GPC6: variants seen among roughly 807,000 people sequenced by gnomAD.
The protein encoded by GPC6 is glypican 6.
A neutral mutation model predicts 55.2 loss-of-function variants in GPC6; 14 were observed. The observed-to-expected ratio is 0.25, with a 90% confidence interval of 0.17 to 0.40. The LOEUF is 0.40. Among genes scored for constraint, GPC6 ranks in the 10% least tolerant of loss-of-function variants. GPC6 has a pLI of 1.00. For missense variants in GPC6, 641 were observed against 708.5 expected (o/e 0.90, Z 1.08); for synonymous variants, 278 against 259.6 (o/e 1.07, Z -0.68).
chr13:93,718,017 A>G (rs1413345496), intron 2 of GPC6, among the ~76,000 whole-genome samples: 2 of 151,770 alleles, frequency 1.3e-5, no homozygotes, highest in African/African-American at 4.8e-5. Context: ...TTACTAATGG[A>G]CATTTGAGTT....
chr13:93,891,077 A>G (rs1245480099), intron 3 of GPC6, among the ~76,000 whole-genome samples: 1 of 152,160 alleles, frequency 6.6e-6, no homozygotes, highest in Non-Finnish European at 1.5e-5. Flanking sequence ...TTTAAAACAT[A>G]AAAATGATAT....
intron 4 of GPC6, among the ~76,000 whole-genome samples, chr13:94,091,512 TGGGTAACAAAGC>T (rs1885478677): frequency 6.6e-6 from 1 of 152,152 alleles, no homozygotes; most frequent in Non-Finnish European, 1.5e-5. Flanking sequence ...GATTCACTTT[TGGGTAACAAAGC>T]AGGCAGATAT....
At chr13:93,448,474 G>A (rs1270696446) in intron 1 of GPC6, among the ~76,000 whole-genome samples, 4 of 152,084 alleles carry the variant, frequency 2.6e-5, no homozygotes, top group Non-Finnish European at 5.9e-5. Context: ...GTATGACTAC[G>A]TGTGAATTTT....
At chr13:93,720,656 T>G (rs752889447) in intron 2 of GPC6, among the ~76,000 whole-genome samples, 5 of 152,172 alleles carry the variant, frequency 3.3e-5, no homozygotes, top group African/African-American at 4.8e-5. Flanking sequence ...AATTGTGATG[T>G]TAGGGTGTCA....
intron 2 of GPC6, among the ~76,000 whole-genome samples, chr13:93,592,612 GTAT>G (rs957358833): frequency 1.3e-5 from 2 of 151,104 alleles, no homozygotes; most frequent in Non-Finnish European, 3.0e-5. Flanking sequence ...TTGCAAATGA[GTAT>G]TATTATTGCT....
chr13:93,865,039 C>T (rs1888918848), intron 3 of GPC6, among the ~76,000 whole-genome samples: 1 of 151,726 alleles, frequency 6.6e-6, no homozygotes, highest in African/African-American at 2.4e-5. Context: ...TTAAGTGCCT[C>T]CATGAATGGG....
intron 4 of GPC6, among the ~76,000 whole-genome samples, chr13:94,031,087 TGTGTGC>T (rs1883113248): frequency 6.6e-6 from 1 of 150,510 alleles, no homozygotes; most frequent in Admixed American, 6.7e-5. Flanking sequence ...TGTGCGTGTG[TGTGTGC>T]GTGTGTGTGT....
intron 2 of GPC6, among the ~76,000 whole-genome samples, chr13:93,593,812 T>C (rs894464921): frequency 2.0e-5 from 3 of 152,168 alleles, no homozygotes; most frequent in Non-Finnish European, 4.4e-5. Flanking sequence ...ATTGTCAAAT[T>C]ATATTACATG....
intron 1 of GPC6, among the ~76,000 whole-genome samples, chr13:93,525,325 C>A (rs1445404394): frequency 2.6e-5 from 4 of 151,962 alleles, no homozygotes; most frequent in African/African-American, 7.2e-5. Context: ...AGGAACATGC[C>A]CCCCAAGAGG....
chr13:93,417,858 T>A (rs545250058), intron 1 of GPC6, among the ~76,000 whole-genome samples: 2 of 151,934 alleles, frequency 1.3e-5, no homozygotes, highest in Admixed American at 1.3e-4. Flanking sequence ...AAATAAAAAA[T>A]AAAAAATAAA....
chr13:94,372,529 G>A (rs191575356), intron 6 of GPC6, among the ~76,000 whole-genome samples: 2 of 152,330 alleles, frequency 1.3e-5, no homozygotes, highest in African/African-American at 2.4e-5. Context: ...GGCGCACCAC[G>A]AGAGTATATC....
chr13:94,161,577 A>G (rs1437105069), intron 4 of GPC6, among the ~76,000 whole-genome samples: 1 of 152,180 alleles, frequency 6.6e-6, no homozygotes, highest in Non-Finnish European at 1.5e-5. Flanking sequence ...CAGATTCATC[A>G]TTTAGTTAGG....
intron 5 of GPC6, among the ~76,000 whole-genome samples, chr13:94,303,432 C>T (rs890777340): frequency 9.9e-5 from 15 of 152,278 alleles, no homozygotes; most frequent in Admixed American, 3.3e-4. Context: ...GATTCTTAAT[C>T]GGCCTAGGAA....
intron 1 of GPC6, among the ~76,000 whole-genome samples, chr13:93,313,303 C>G (rs201880837): frequency 6.6e-6 from 1 of 151,000 alleles, no homozygotes; most frequent in Non-Finnish European, 1.5e-5. Context: ...TTTTTTTTTC[C>G]TTGGATAACT....
intron 4 of GPC6, among the ~76,000 whole-genome samples, chr13:94,063,939 G>A (rs1884426652): frequency 6.6e-6 from 1 of 152,176 alleles, no homozygotes; most frequent in Admixed American, 6.5e-5. Flanking sequence ...TTAAGGGTTA[G>A]ACTTAACACC....
At chr13:94,299,450 A>G (rs1432741944) in intron 5 of GPC6, among the ~76,000 whole-genome samples, 3 of 152,258 alleles carry the variant, frequency 2.0e-5, no homozygotes, top group Admixed American at 6.5e-5. Context: ...CAAATTTCAT[A>G]TACTGAAATC....
chr13:93,439,368 C>T (rs1877690329), intron 1 of GPC6, among the ~76,000 whole-genome samples: 1 of 152,034 alleles, frequency 6.6e-6, no homozygotes, highest in African/African-American at 2.4e-5. Context: ...TGGGAGTTCT[C>T]ATGTGCTGTT....
At chr13:93,748,025 G>A (rs928381536) in intron 2 of GPC6, among the ~76,000 whole-genome samples, 5 of 152,136 alleles carry the variant, frequency 3.3e-5, no homozygotes, top group Non-Finnish European at 7.4e-5. Flanking sequence ...TTAAAGTACA[G>A]TATTTGCTCG....
At chr13:94,196,261 G>T (rs1442036570) in intron 4 of GPC6, among the ~76,000 whole-genome samples, 1 of 149,226 alleles carries the variant, frequency 6.7e-6, no homozygotes, top group Non-Finnish European at 1.5e-5. Flanking sequence ...TTTTAACTAA[G>T]AAATTTTTTA....
Sources: gnomAD v4.1 joint callset for allele counts (sites outside exome capture counted in the v4.1 genomes callset) on GRCh38, gnomAD v4.1.1 for gene constraint, MANE v1.5 for transcripts, NCBI Gene and HGNC (gene_info 2026-07-23, HGNC 2026-07-21) for gene names.